The following RNF150 variants were observed in gnomAD, a reference collection of about 807,000 sequenced individuals.
RNF150 encodes the protein ring finger protein 150.
Under a neutral mutation model 39.3 loss-of-function variants are expected in RNF150, and 24 were observed. The observed-to-expected ratio is 0.61, with a 90% CI of 0.44 to 0.86. The LOEUF is 0.86. RNF150 is among the 40% of genes least tolerant of loss of function. The pLI, the probability that RNF150 is intolerant of heterozygous loss-of-function variation, is 0.00. For synonymous variants in RNF150, 255 were observed against 227.3 expected, an observed-to-expected ratio of 1.12 and a Z score of -1.10; for missense variants, 502 against 587.8, an observed-to-expected ratio of 0.85 and a Z score of 1.51.
chr4:141,012,574 G>A (rs1735111544), intron 1 of RNF150, among the ~76,000 whole-genome samples: 1 of 151,840 alleles, frequency 6.6e-6, no homozygotes. Context: ...GTGCACTTTG[G>A]GAGGCTGAGG....
chr4:140,972,262 C>T (rs1021420374), intron 1 of RNF150, among the ~76,000 whole-genome samples: 4 of 151,960 alleles, frequency 2.6e-5, no homozygotes, highest in African/African-American at 9.7e-5. Context: ...CTGCAAAATA[C>T]CATATAAATG....
intron 1 of RNF150, among the ~76,000 whole-genome samples, chr4:141,002,719 A>C (rs1734709887): frequency 6.6e-6 from 1 of 152,210 alleles, no homozygotes. Flanking sequence ...AGCCAGATAT[A>C]GTGCAGAAGT....
intron 4 of RNF150, among the ~76,000 whole-genome samples, chr4:140,927,887 G>A (rs912287123): frequency 6.6e-6 from 1 of 151,856 alleles, no homozygotes; most frequent in Admixed American, 6.6e-5. Context: ...GACCTCAAGT[G>A]ATCTGCCCAC....
At chr4:140,933,385 A>T (rs1388292963) in intron 4 of RNF150, among the ~76,000 whole-genome samples, 1 of 152,206 alleles carries the variant, frequency 6.6e-6, no homozygotes, top group Non-Finnish European at 1.5e-5. Context: ...CAAACTCTGA[A>T]ATGCTCTAAA....
intron 1 of RNF150, among the ~76,000 whole-genome samples, chr4:141,167,182 C>T (rs1046077798): frequency 6.6e-6 from 1 of 152,008 alleles, no homozygotes; most frequent in Non-Finnish European, 1.5e-5. Context: ...AATGAGTGAA[C>T]GTCCATTCAC....
chr4:141,128,168 T>C (rs1202868944), intron 1 of RNF150, among the ~76,000 whole-genome samples: 1 of 152,190 alleles, frequency 6.6e-6, no homozygotes, highest in African/African-American at 2.4e-5. Flanking sequence ...AGTGTGTAGC[T>C]CCTGCATGTC....
At chr4:140,926,104 C>T (rs754537931) in intron 4 of RNF150, 31 bp from the exon 5 acceptor site, 35 of 1,499,426 alleles carry the variant, frequency 2.3e-5, no homozygotes, top group Admixed American at 2.0e-4. Context: ...CTTAGAGCGG[C>T]GGTAACTGCA....
chr4:141,169,294 G>A (rs1037467902), intron 1 of RNF150, among the ~76,000 whole-genome samples: 1 of 151,986 alleles, frequency 6.6e-6, no homozygotes, highest in Non-Finnish European at 1.5e-5. Flanking sequence ...TTTACCTTCT[G>A]CCATGATTGT....
chr4:140,862,964 A>T lies in RNF150; in HGVS notation c.*5297T>A, dbSNP rs1454447540. On this transcript the variant is annotated 3_prime_UTR_variant, in exon 7 of 7. Coordinates refer to ENST00000515673, the MANE Select transcript of RNF150 (RefSeq NM_020724.2). ...CCATCCCATTTTAACTGCCAACATC[A>T]AACGTATTCATCCATGCAATGGCAT... is the stretch of plus-strand genomic sequence containing the variant. The T allele has an allele frequency of 6.6e-6, 1 of 150,862 alleles. No homozygotes were observed. The highest frequency in any genetic ancestry group is 1.5e-5 in the Non-Finnish European group (1 of 67,910). 9.3% of individuals were successfully genotyped at this position (150,862 alleles called of 1,614,324 possible).
chr4:141,130,096 C>T (rs1726853396), intron 1 of RNF150, among the ~76,000 whole-genome samples: 1 of 152,168 alleles, frequency 6.6e-6, no homozygotes, highest in Non-Finnish European at 1.5e-5. Context: ...GAAATCTGAC[C>T]TCAAATTTAA....
chr4:140,999,144 C>CA, intron 1 of RNF150, among the ~76,000 whole-genome samples: 1 of 152,122 alleles, frequency 6.6e-6, no homozygotes, highest in African/African-American at 2.4e-5. Context: ...CCTGGCACTC[C>CA]AAAAAAGCAG....
At chr4:141,150,311 T>G (rs1278366311) in intron 1 of RNF150, among the ~76,000 whole-genome samples, 2 of 152,180 alleles carry the variant, frequency 1.3e-5, no homozygotes, top group Admixed American at 6.5e-5. Flanking sequence ...ACCTTGGAGC[T>G]CTCTTTGACT....
rs372989034 is a variant in RNF150, at chr4:141,117,415, C to T, written c.484+14910G>A. On this transcript the variant is annotated intron_variant, in intron 1 of 6. Coordinates refer to ENST00000515673, the MANE Select transcript of RNF150 (RefSeq NM_020724.2). ...ATGTTTATATATGTGGTATAAATGT[C>T]CACAGTATTCAGTGTAGAAACATGT... 1.4e-4 allele frequency among the ~76,000 whole-genome samples: 21 copies of T among 152,224 alleles called. No individual in the cohort carries two copies. The South Asian group carries it at 4.2e-3, about 30-fold the overall frequency.
chr4:141,131,522 G>A (rs920550565), intron 1 of RNF150, among the ~76,000 whole-genome samples: 5 of 152,124 alleles, frequency 3.3e-5, no homozygotes, highest in Non-Finnish European at 5.9e-5. Context: ...AGGCATATGC[G>A]GTATTGAGTT....
chr4:141,140,160 G>T (rs878927763), intron 1 of RNF150, among the ~76,000 whole-genome samples: 3 of 152,078 alleles, frequency 2.0e-5, no homozygotes, highest in Non-Finnish European at 4.4e-5. Flanking sequence ...TTTTGGAAAC[G>T]TTTTTTTAGA....
At chr4:141,061,697 G>C (rs191738429) in intron 1 of RNF150, among the ~76,000 whole-genome samples, 21 of 152,186 alleles carry the variant, frequency 1.4e-4, no homozygotes, top group African/African-American at 4.6e-4. Context: ...TGCAAATTTA[G>C]ACTTACTCTG....
At chr4:140,995,558 G>A (rs1734335048) in intron 1 of RNF150, among the ~76,000 whole-genome samples, 1 of 152,150 alleles carries the variant, frequency 6.6e-6, no homozygotes, top group African/African-American at 2.4e-5. Context: ...GCACAATGGT[G>A]GACGTGTCTT....
intron 1 of RNF150, among the ~76,000 whole-genome samples, chr4:141,007,829 C>T (rs570010905): frequency 9.2e-5 from 14 of 152,296 alleles, no homozygotes; most frequent in Non-Finnish European, 1.6e-4. Context: ...CAGAGAGGTA[C>T]ATAACCACTA....
chr4:141,057,062 T>C (rs913320869), intron 1 of RNF150, among the ~76,000 whole-genome samples: 1 of 152,088 alleles, frequency 6.6e-6, no homozygotes, highest in Non-Finnish European at 1.5e-5. Context: ...TCCTCATCTA[T>C]AAAATGGAGG....
Sources: gnomAD v4.1 joint callset for allele counts (sites outside exome capture counted in the v4.1 genomes callset) on GRCh38, gnomAD v4.1.1 for gene constraint, MANE v1.5 for transcripts, NCBI Gene and HGNC (gene_info 2026-07-23, HGNC 2026-07-21) for gene names.